ICE2: variants seen among roughly 807,000 people sequenced by gnomAD.
ICE2 encodes interactor of little elongation complex ELL subunit 2, also known as little elongation complex subunit 2.
Under a neutral mutation model 105.4 loss-of-function variants are expected in ICE2, and 87 were observed. That is an observed-to-expected ratio of 0.83 (90% CI 0.69 to 0.99). ICE2 has a LOEUF of 0.99. Ranked by LOEUF, ICE2 falls within the 50% of genes least tolerant of loss-of-function variation. The probability of loss-of-function intolerance (pLI) is 0.00; values close to 1 mark genes in which losing one functional copy is unlikely to be tolerated. For missense variants in ICE2, 1,323 were observed against 1,146.7 expected, an observed-to-expected ratio of 1.15 and a Z score of -2.22; for synonymous variants, 399 against 392.0, an observed-to-expected ratio of 1.02 and a Z score of -0.21.
chr15:60,426,971 A>C (rs1057333122), intron 15 of ICE2, among the ~76,000 whole-genome samples: 1 of 152,224 alleles, frequency 6.6e-6, no homozygotes, highest in Non-Finnish European at 1.5e-5. Flanking sequence ...CCAAAACTGA[A>C]GATAAAATAG....
chr15:60,437,437 C>T (rs117943828), intron 12 of ICE2, among the ~76,000 whole-genome samples: 218 of 151,374 alleles, frequency 1.4e-3, no homozygotes, highest in Middle Eastern at 6.9e-3. Context: ...TCAGTTCAAG[C>T]GATCCTGCCT....
chr15:60,428,682 TG>T lies in ICE2; in HGVS notation c.2566del (p.Gln856ArgfsTer17). ...ATGAGATAACAAGTAGGAACCCTCC[TG>T]CAAGCTAAATTCACACAATGAAACT... ...QHILKKLSSL[Q>X]EGSYLLSHAA... On this transcript the variant is annotated frameshift_variant, in exon 15 of 16. Transcript: ENST00000261520. LOFTEE classifies it high-confidence loss of function. The T allele has an allele frequency of 6.2e-7, 1 of 1,612,906 alleles. No homozygotes were observed.
rs2063223886 is a variant in ICE2, at chr15:60,419,758, G to A, written c.*3876C>T. 6.6e-6 allele frequency: 1 copy of A among 152,148 alleles called. No individual in the cohort carries two copies. The highest frequency in any genetic ancestry group is 1.5e-5 in the Non-Finnish European group (1 of 68,022). 9.4% of individuals were successfully genotyped at this position (152,148 alleles called of 1,614,324 possible). Reference sequence around the variant, plus strand: ...CAAAATACTACTATATACCTATAATGCATAGAAAACGTCTTAACATCTTTA... The same window carrying A: ...CAAAATACTACTATATACCTATAATACATAGAAAACGTCTTAACATCTTTA... On this transcript the variant is annotated 3_prime_UTR_variant, in exon 16 of 16. Coordinates refer to ENST00000261520, the MANE Select transcript of ICE2 (RefSeq NM_024611.6).
At chr15:60,430,021 G>T (rs1055631660) in intron 14 of ICE2, among the ~76,000 whole-genome samples, 1 of 152,082 alleles carries the variant, frequency 6.6e-6, no homozygotes, top group Non-Finnish European at 1.5e-5. Flanking sequence ...ACAGAATAGT[G>T]GCCTCCTAGA....
chr15:60,455,045 G>T lies in ICE2; in HGVS notation c.901C>A (p.Gln301Lys), dbSNP rs2064066264. The T allele has an allele frequency of 6.3e-7, 1 of 1,589,324 alleles. No homozygotes were observed. The part of the protein sequence containing the change: ...LNNHGPTYKE[Q>K]WEIPVCIQVI... ...TGAATACACACTGGAATTTCCCACT[G>T]TTCCTTGTACGTTGGTCCATGATTA... is the stretch of plus-strand genomic sequence containing the variant. The change falls in exon 8 of 16, where the codon CAG (glutamine) becomes AAG (lysine). Residue 301 changes from glutamine to lysine, a missense_variant. Physicochemically the swap from Gln to Lys is moderately conservative, Grantham distance 53 (BLOSUM62 1). Coordinates refer to ENST00000261520, the MANE Select transcript of ICE2 (RefSeq NM_024611.6).
At chr15:60,471,789 C>A (rs2054035) in intron 3 of ICE2, among the ~76,000 whole-genome samples, 146,953 of 150,756 alleles carry the variant, frequency 0.97, 71,704 homozygotes, top group Middle Eastern at 1. Context: ...TATGGAAAAA[C>A]AAAAAACAAA....
chr15:60,452,861 T>C, intron 9 of ICE2: 2 of 985,392 alleles, frequency 2.0e-6, no homozygotes, highest in South Asian at 4.7e-5. Context: ...CTAAGTATAC[T>C]GAAGATTAAC....
intron 3 of ICE2, among the ~76,000 whole-genome samples, chr15:60,474,019 G>C (rs928240144): frequency 6.6e-6 from 1 of 152,008 alleles, no homozygotes; most frequent in Non-Finnish European, 1.5e-5. Flanking sequence ...AGTGATCCTC[G>C]TGCCTCAGCC....
chr15:60,432,336 C>T (rs1274066362), intron 13 of ICE2, among the ~76,000 whole-genome samples: 11 of 151,630 alleles, frequency 7.3e-5, no homozygotes, highest in Admixed American at 5.3e-4. Flanking sequence ...TACAGGCATG[C>T]GCCACCACAC....
At position 60,449,331 on chromosome 15, in the gene ICE2, CTAGAACATTAGGTCTTT is replaced by C; in HGVS notation, c.1619_1635del (p.Glu540GlyfsTer19). 6.2e-7 allele frequency: 1 copy of C among 1,613,134 alleles called. No individual in the cohort carries two copies. Among genetic ancestry groups the C allele is most frequent in the Non-Finnish European group, 8.5e-7 (1 of 1,179,994 alleles). On this transcript the variant is annotated frameshift_variant, in exon 10 of 16. Coordinates refer to ENST00000261520, the MANE Select transcript of ICE2 (RefSeq NM_024611.6). LOFTEE classifies it high-confidence loss of function. Reference sequence around the variant, plus strand: ...TTTTCCTTTGAGTTGTCTAGGTTTTCTAGAACATTAGGTCTTTCACCATCAGCATGTAATATATCTAT... The same window carrying C: ...TTTTCCTTTGAGTTGTCTAGGTTTTCCACCATCAGCATGTAATATATCTAT...
chr15:60,463,129 CTA>C (rs1464630951), intron 5 of ICE2, among the ~76,000 whole-genome samples: 2 of 152,214 alleles, frequency 1.3e-5, no homozygotes, highest in African/African-American at 4.8e-5. Context: ...ATAAAATACA[CTA>C]TGATATTTGG....
rs139583149 is a variant in ICE2, at chr15:60,449,262, A to G, written c.1705T>C (p.Cys569Arg). ...EAAKTEDTVL[C>R]SSDTDEECLI... ...CACTCCTCATCTGTATCACTGCTGC[A>G]GAGAACTGTATCTTCAGTTTTTGCT... Residue 569 changes from cysteine to arginine, a missense_variant, in exon 10 of 16, where the codon TGC becomes CGC. Cys to Arg is a radical substitution (Grantham distance 180, BLOSUM62 -3). Coordinates refer to ENST00000261520, the MANE Select transcript of ICE2 (RefSeq NM_024611.6). 1.4e-5 allele frequency: 22 copies of G among 1,613,592 alleles called. No individual in the cohort carries two copies. The highest frequency in any genetic ancestry group is 1.8e-5 in the Non-Finnish European group (21 of 1,180,002).
At chr15:60,470,176 A>T (rs1567011379) in intron 3 of ICE2, among the ~76,000 whole-genome samples, 3 of 151,942 alleles carry the variant, frequency 2.0e-5, no homozygotes, top group Non-Finnish European at 2.9e-5. Flanking sequence ...ACCATCTCCA[A>T]CTCCAGGACA....
At chr15:60,455,193 TTA>T (rs776009381) in intron 7 of ICE2, 31 bp from the exon 8 acceptor site, 4 of 1,551,384 alleles carry the variant, frequency 2.6e-6, no homozygotes, top group Non-Finnish European at 3.5e-6. Context: ...TGTTACTTGG[TTA>T]TACTTATTGA....
At position 60,476,527 on chromosome 15, in the gene ICE2, A is replaced by G. The variant is rs1334242708; in HGVS notation, c.42-360T>C. Among the ~76,000 whole-genome samples the G allele has an allele frequency of 2.0e-5, 3 of 152,224 alleles. No individual in the cohort carries two copies. The East Asian group carries it at 5.8e-4, about 29-fold the overall frequency. On this transcript the variant is annotated intron_variant, in intron 2 of 15. Coordinates refer to ENST00000261520, the MANE Select transcript of ICE2 (RefSeq NM_024611.6). Reference sequence around the variant, plus strand: ...GCCTCACTTCTGGCTCTAGGACATAACATTAAGATACTTGGTTGCTGAAAA... The same window carrying G: ...GCCTCACTTCTGGCTCTAGGACATAGCATTAAGATACTTGGTTGCTGAAAA...
At position 60,445,441 on chromosome 15, in the gene ICE2, G is replaced by T. The variant is rs544016276; in HGVS notation, c.2295+2529C>A. 1.5e-5 allele frequency: 5 copies of T among 324,954 alleles called. No homozygotes were observed. The South Asian group carries it at 5.0e-4, about 33-fold the overall frequency. The allele number at this position is 324,954 out of a possible 1,614,324, so 20.1% of individuals were successfully genotyped here. ...AGATGAATAGGACATAATTCCAAGG[G>T]GCATACATTTTACTAAGAGATTTAA... On this transcript the variant is annotated intron_variant, in intron 11 of 15. Coordinates refer to ENST00000261520, the MANE Select transcript of ICE2 (RefSeq NM_024611.6).
At chr15:60,474,377 T>C (rs938978626) in intron 3 of ICE2, among the ~76,000 whole-genome samples, 1 of 151,984 alleles carries the variant, frequency 6.6e-6, no homozygotes, top group African/African-American at 2.4e-5. Context: ...TACAAACACA[T>C]GTAAAAAGGC....
At chr15:60,429,011 T>C (rs1451698379) in intron 14 of ICE2, among the ~76,000 whole-genome samples, 2 of 152,258 alleles carry the variant, frequency 1.3e-5, no homozygotes, top group Non-Finnish European at 2.9e-5. Context: ...TATAGGTATC[T>C]ATACTGAAAA....
In ICE2 at chr15:60,465,507, G is replaced by A. The variant is rs188757506; in HGVS notation, c.528+1087C>T. Among the ~76,000 whole-genome samples, 483 of 152,222 alleles carry A rather than the reference G, an allele frequency of 3.2e-3. 2 individuals carry two copies. The highest frequency in any genetic ancestry group is 6.8e-3 in the Middle Eastern group (2 of 294). On this transcript the variant is annotated intron_variant, in intron 5 of 15. Coordinates refer to ENST00000261520, the MANE Select transcript of ICE2 (RefSeq NM_024611.6). ...CGGACTTTTTAAAAAAACAGTGAAAGTGTAACACTCCTGCTGTCCTTCAAC... is the reference window on the plus strand; with the variant it reads ...CGGACTTTTTAAAAAAACAGTGAAAATGTAACACTCCTGCTGTCCTTCAAC...
Sources: gnomAD v4.1 joint callset for allele counts (sites outside exome capture counted in the v4.1 genomes callset) on GRCh38, gnomAD v4.1.1 for gene constraint, MANE v1.5 for transcripts, NCBI Gene and HGNC (gene_info 2026-07-23, HGNC 2026-07-21) for gene names.